Variants in GALNT13 observed in about 807,000 individuals in gnomAD.
GALNT13 encodes UDP-GalNAc:polypeptide N-acetylgalactosaminyltransferase 13.
In GALNT13, 28 loss-of-function variants were observed where a neutral mutation model predicts 64.2. That is an observed-to-expected ratio of 0.44 (90% CI 0.32 to 0.60). The LOEUF (loss-of-function observed/expected upper bound fraction) is 0.60, where lower values mean the gene tolerates loss of function less well. Ranked by LOEUF, GALNT13 falls within the 20% of genes least tolerant of loss-of-function variation. The pLI, the probability that GALNT13 is intolerant of heterozygous loss-of-function variation, is 0.05. For missense variants in GALNT13, 577 were observed against 669.8 expected (o/e 0.86, Z 1.53); for synonymous variants, 214 against 224.6 (o/e 0.95, Z 0.42).
At chr2:153,146,157 G>A in the GALNT13 span, among the ~76,000 whole-genome samples, 1 of 148,532 alleles carries the variant, frequency 6.7e-6, no homozygotes, top group African/African-American at 2.5e-5. Context: ...ACAAACACCA[G>A]TCTTTTATGG....
chr2:153,959,778 T>C (rs1692812493), intron 3 of GALNT13, among the ~76,000 whole-genome samples: 1 of 152,126 alleles, frequency 6.6e-6, no homozygotes. Context: ...ATCCACCCAT[T>C]ACTAGTCAGA....
chr2:153,206,271 C>G, the GALNT13 span, among the ~76,000 whole-genome samples: 1 of 152,010 alleles, frequency 6.6e-6, no homozygotes, highest in Admixed American at 6.6e-5. Context: ...GAACCTCAAC[C>G]AAGAGAGTGA....
chr2:154,308,078 CTTGTT>C (rs1475484898), intron 9 of GALNT13, among the ~76,000 whole-genome samples: 5 of 152,068 alleles, frequency 3.3e-5, no homozygotes, highest in Admixed American at 2.0e-4. Flanking sequence ...GATGGACACT[CTTGTT>C]TTGAGCAGAA....
the GALNT13 span, among the ~76,000 whole-genome samples, chr2:153,242,417 A>G: frequency 2.0e-5 from 3 of 152,240 alleles, no homozygotes; most frequent in Admixed American, 1.3e-4. Context: ...GGGGAAGGAA[A>G]GAAACTGCTT....
chr2:153,478,034 TG>T, the GALNT13 span: 1 of 590,042 alleles, frequency 1.7e-6, no homozygotes, highest in Admixed American at 3.0e-5. Context: ...GTTCAGAGTC[TG>T]GGCGCTCTCC....
chr2:153,438,427 A>G, the GALNT13 span, among the ~76,000 whole-genome samples: 1 of 152,196 alleles, frequency 6.6e-6, no homozygotes, highest in Non-Finnish European at 1.5e-5. Flanking sequence ...GTGTTTTCCA[A>G]CTTGATTCCA....
At chr2:154,028,938 G>A (rs7602909) in intron 3 of GALNT13, among the ~76,000 whole-genome samples, 79,776 of 151,694 alleles carry the variant, frequency 0.53, 22,223 homozygotes, top group East Asian at 0.95. Context: ...AGGGCAACCA[G>A]CTAACCTGAA....
chr2:154,395,891 G>T, intron 9 of GALNT13, 100 bp from the exon 10 acceptor site: 1 of 1,087,896 alleles, frequency 9.2e-7, no homozygotes. Context: ...TGAATTTGCT[G>T]GAATTATGAA....
At chr2:153,316,639 CAA>C in the GALNT13 span, among the ~76,000 whole-genome samples, 9 of 69,844 alleles carry the variant, frequency 1.3e-4, no homozygotes, top group African/African-American at 1.1e-4. Flanking sequence ...GACTCCGTCT[CAA>C]AAAAAAAAAA....
At chr2:153,456,103 A>T in the GALNT13 span, among the ~76,000 whole-genome samples, 1 of 152,172 alleles carries the variant, frequency 6.6e-6, no homozygotes, top group Non-Finnish European at 1.5e-5. Flanking sequence ...GAATTTTTAT[A>T]GACACATGAT....
At chr2:154,097,156 A>G (rs11893916) in intron 3 of GALNT13, among the ~76,000 whole-genome samples, 43,645 of 151,930 alleles carry the variant, frequency 0.29, 6,600 homozygotes, top group Non-Finnish European at 0.32. Context: ...ATGCTAAACT[A>G]TTGTTTCAAT....
chr2:153,563,217 A>C, the GALNT13 span, among the ~76,000 whole-genome samples: 1 of 152,028 alleles, frequency 6.6e-6, no homozygotes, highest in African/African-American at 2.4e-5. Context: ...TTTCCCTTAA[A>C]AAAATTCTGT....
the GALNT13 span, among the ~76,000 whole-genome samples, chr2:153,740,813 T>C: frequency 1.3e-5 from 2 of 152,164 alleles, no homozygotes; most frequent in African/African-American, 4.8e-5. Context: ...ATATGCTTTG[T>C]TCATTTTCCG....
intron 9 of GALNT13, among the ~76,000 whole-genome samples, chr2:154,332,653 T>C (rs143681528): frequency 1.2e-3 from 181 of 152,222 alleles, no homozygotes; most frequent in African/African-American, 4.2e-3. Flanking sequence ...CATGAATCTG[T>C]CTTCCGGCTA....
chr2:154,248,656 T>C (rs1476292946), intron 7 of GALNT13, among the ~76,000 whole-genome samples: 2 of 152,116 alleles, frequency 1.3e-5, no homozygotes, highest in Admixed American at 1.3e-4. Context: ...TGGATTTCCA[T>C]CTACTAATAA....
At chr2:154,302,948 A>C (rs1574053821) in intron 9 of GALNT13, among the ~76,000 whole-genome samples, 1 of 152,194 alleles carries the variant, frequency 6.6e-6, no homozygotes, top group African/African-American at 2.4e-5. Flanking sequence ...GTCTAGATGC[A>C]GATTTTTCCC....
the GALNT13 span, among the ~76,000 whole-genome samples, chr2:153,821,695 A>G: frequency 6.6e-6 from 1 of 152,196 alleles, no homozygotes. Context: ...AGGACAAATT[A>G]GCCCCAGAGC....
chr2:153,561,849 A>G, the GALNT13 span, among the ~76,000 whole-genome samples: 1 of 152,244 alleles, frequency 6.6e-6, no homozygotes, highest in African/African-American at 2.4e-5. Context: ...AAAAATTTCT[A>G]TTTGTAAATG....
the GALNT13 span, among the ~76,000 whole-genome samples, chr2:153,666,758 G>A: frequency 1.3e-5 from 2 of 152,190 alleles, no homozygotes. Context: ...AAAAGCCAGA[G>A]TGTCTCCTTA....
Sources: allele counts gnomAD v4.1 joint callset (sites outside exome capture counted in the v4.1 genomes callset), GRCh38; gene constraint gnomAD v4.1.1; transcripts MANE v1.5; gene names NCBI Gene and HGNC (gene_info 2026-07-23, HGNC 2026-07-21).